The following EVC2 variants were observed in gnomAD, a reference collection of about 807,000 sequenced individuals.
The protein encoded by EVC2 is EvC ciliary complex subunit 2.
EVC2 carries 148 observed loss-of-function variants against 149.3 expected under a neutral mutation model. That is an observed-to-expected ratio of 0.99 (90% CI 0.87 to 1.14). The LOEUF is 1.14. Ranked by LOEUF, EVC2 falls within the 50% of genes most tolerant of loss-of-function variation. EVC2 has a pLI of 0.00. For missense variants in EVC2, 1,854 were observed against 1,627.3 expected, an observed-to-expected ratio of 1.14 and a Z score of -2.40; for synonymous variants, 776 against 649.9, an observed-to-expected ratio of 1.19 and a Z score of -2.95.
chr4:5,550,186 A>G (rs1478136201), intron 21 of EVC2, among the ~76,000 whole-genome samples: 2 of 152,214 alleles, frequency 1.3e-5, no homozygotes, highest in Admixed American at 1.3e-4. Flanking sequence ...TGTGGAAGCA[A>G]CTTTGGAACT....
At chr4:5,652,258 C>A (rs370518628) in intron 9 of EVC2, among the ~76,000 whole-genome samples, 2 of 152,206 alleles carry the variant, frequency 1.3e-5, no homozygotes, top group East Asian at 3.9e-4. Flanking sequence ...AAGTCCCACG[C>A]AGGGACCAGT....
chr4:5,565,699 C>A (rs905773210), intron 20 of EVC2, among the ~76,000 whole-genome samples: 2 of 151,424 alleles, frequency 1.3e-5, no homozygotes, highest in African/African-American at 4.9e-5. Flanking sequence ...AGAATAGAAT[C>A]TTTAAGTGAT....
At chr4:5,635,139 T>C (rs1227914385) in intron 10 of EVC2, among the ~76,000 whole-genome samples, 2 of 141,896 alleles carry the variant, frequency 1.4e-5, no homozygotes, top group African/African-American at 5.3e-5. Context: ...TGGGTTCAAG[T>C]GATTCTCCTG....
chr4:5,604,933 G>A (rs939277796), intron 16 of EVC2, among the ~76,000 whole-genome samples: 20 of 151,140 alleles, frequency 1.3e-4, no homozygotes, highest in African/African-American at 4.4e-4. Context: ...GAGACAGCAA[G>A]ACCAATCCTT....
In EVC2 at chr4:5,707,835, A is replaced by G. The variant is rs535215199; in HGVS notation, c.228+451T>C. Among the ~76,000 whole-genome samples the G allele has an allele frequency of 3.9e-5, 6 of 152,206 alleles. No homozygotes were observed. In the South Asian group the frequency reaches 1.2e-3, roughly 32 times the overall value. On this transcript the variant is annotated intron_variant, in intron 1 of 21. Coordinates refer to ENST00000344408, the MANE Select transcript of EVC2 (RefSeq NM_147127.5). ...ATCAGCCAGGAGAGTTCAGTCACCT[A>G]AGAGTCCAGCCAAGAGCCCCCACTT...
In EVC2 at chr4:5,596,631, T is replaced by C. The variant is rs1488698453; in HGVS notation, c.2830-11781A>G. The stretch of plus-strand genomic sequence containing the variant: ...AAGAGAAAGCAGGAAAGATCCAAAA[T>C]TGACACCCTAACATCACAATTAAAA... On this transcript the variant is annotated intron_variant, in intron 16 of 21. Transcript: ENST00000344408. Among the ~76,000 whole-genome samples the C allele has an allele frequency of 2.6e-5, 4 of 151,878 alleles. No homozygotes were observed. The East Asian group carries it at 5.8e-4, about 22-fold the overall frequency.
intron 17 of EVC2, among the ~76,000 whole-genome samples, chr4:5,577,750 C>T (rs1182521256): frequency 1.3e-5 from 2 of 152,154 alleles, no homozygotes; most frequent in Non-Finnish European, 2.9e-5. Flanking sequence ...GCTGGGCCTT[C>T]GAGAACTCCT....
intron 4 of EVC2, 138 bp from the exon 5 acceptor site, chr4:5,689,481 T>C: frequency 1.2e-6 from 1 of 827,872 alleles, no homozygotes; most frequent in Non-Finnish European, 2.0e-6. Context: ...GCCTGGGAAT[T>C]TATCAGTCTC....
Position 5,631,604 on chromosome 4 carries a change from G to A in EVC2, c.1710+189C>T, listed in dbSNP as rs916487037. ...CTGAAATTCCAATCCAGGTCAGCCCGAGTTCAAGGCCTGTACTCCAAGCCA... is the reference window on the plus strand; with the variant it reads ...CTGAAATTCCAATCCAGGTCAGCCCAAGTTCAAGGCCTGTACTCCAAGCCA... On this transcript the variant is annotated intron_variant, in intron 11 of 21. Coordinates refer to ENST00000344408, the MANE Select transcript of EVC2 (RefSeq NM_147127.5). Among the ~76,000 whole-genome samples, 7 of 151,846 alleles carry A rather than the reference G, an allele frequency of 4.6e-5. No individual in the cohort carries two copies. The East Asian group carries it at 7.8e-4, about 17-fold the overall frequency.
At chr4:5,582,361 A>T (rs1470359760) in intron 17 of EVC2, among the ~76,000 whole-genome samples, 2 of 152,242 alleles carry the variant, frequency 1.3e-5, no homozygotes, top group Admixed American at 1.3e-4. Context: ...AATATGAGAC[A>T]TGGAGTCAAA....
intron 9 of EVC2, among the ~76,000 whole-genome samples, chr4:5,659,186 T>C (rs1456709764): frequency 1.3e-5 from 2 of 152,160 alleles, no homozygotes; most frequent in Admixed American, 6.5e-5. Context: ...TCAAGTCACG[T>C]AATGGCATAT....
rs771026952 is a variant in EVC2, at chr4:5,622,623, G to A, written c.2415C>T (p.Ser805=). 9 of 1,613,752 alleles carry A rather than the reference G, an allele frequency of 5.6e-6. No homozygotes were observed. The highest frequency in any genetic ancestry group is 4.4e-5 in the South Asian group (4 of 91,054). The change falls in exon 14 of 22, where the codon AGC becomes AGT. Residue 805 remains serine (S), a synonymous_variant. Coordinates refer to ENST00000344408, the MANE Select transcript of EVC2 (RefSeq NM_147127.5). This position sits in a 1 kb window ranked among gnomAD's most constrained non-coding sequence, Gnocchi z 5.8. ...ERDRDQEGVQ[S]VRQRLKDDAP... ...CGTCATCCTTCAGTCTCTGCCTCAC[G>A]CTCTGGACACCCTCCTGGTCCCTGT... is the stretch of plus-strand genomic sequence containing the variant.
intron 3 of EVC2, among the ~76,000 whole-genome samples, chr4:5,691,952 C>G (rs1721145731): frequency 6.6e-6 from 1 of 152,206 alleles, no homozygotes; most frequent in South Asian, 2.1e-4. Context: ...CTGTTCATTT[C>G]TGCTCTTGCC....
intron 16 of EVC2, among the ~76,000 whole-genome samples, chr4:5,587,051 C>T (rs1038048684): frequency 1.4e-4 from 21 of 152,250 alleles, no homozygotes; most frequent in African/African-American, 4.8e-4. Context: ...ATTGTACATA[C>T]GTTAAAAACG....
At chr4:5,584,502 A>T in intron 17 of EVC2, 121 bp downstream of exon 17, 2 of 1,029,002 alleles carry the variant, frequency 1.9e-6, no homozygotes, top group Non-Finnish European at 2.9e-6. Flanking sequence ...TTTAATCCTC[A>T]CCACAACCCC....
intron 20 of EVC2, 63 bp downstream of exon 20, chr4:5,568,381 G>A: frequency 6.8e-7 from 1 of 1,477,674 alleles, no homozygotes; most frequent in Non-Finnish European, 9.1e-7. Context: ...TGACCTTGAG[G>A]ACTCATGGGG....
At chr4:5,680,295 T>C (rs750032244) in intron 7 of EVC2, among the ~76,000 whole-genome samples, 22 of 152,230 alleles carry the variant, frequency 1.4e-4, no homozygotes, top group Non-Finnish European at 2.5e-4. Context: ...TATCAAGTAT[T>C]ATGTTTTGTA....
At chr4:5,584,043 G>A (rs6827244) in intron 17 of EVC2, among the ~76,000 whole-genome samples, 14,175 of 151,764 alleles carry the variant, frequency 0.093, 1,261 homozygotes, top group African/African-American at 0.23. Context: ...ACTTAGTAGC[G>A]CTTCCCTCCC....
intron 17 of EVC2, among the ~76,000 whole-genome samples, chr4:5,580,068 T>C (rs1475742285): frequency 3.3e-5 from 5 of 151,918 alleles, no homozygotes; most frequent in Admixed American, 1.3e-4. Flanking sequence ...AAATCTTTCA[T>C]CAGATGAGGT....
Sources: gnomAD v4.1 joint callset for allele counts (sites outside exome capture counted in the v4.1 genomes callset) on GRCh38, gnomAD v4.1.1 for gene constraint, Gnocchi (gnomAD v3.1) non-coding constraint, MANE v1.5 for transcripts, NCBI Gene and HGNC (gene_info 2026-07-23, HGNC 2026-07-21) for gene names.